The following FANCI variants were observed in gnomAD, a reference collection of about 807,000 sequenced individuals.
FANCI encodes Fanconi anemia group I protein.
FANCI carries 156 observed loss-of-function variants against 176.1 expected under a neutral mutation model. The ratio of observed to expected loss-of-function variants is 0.89; its 90% CI spans 0.78 to 1.01. The LOEUF is 1.01. Ranked by LOEUF, FANCI falls within the 50% of genes least tolerant of loss-of-function variation. The probability of loss-of-function intolerance (pLI) is 0.00; values close to 1 mark genes in which losing one functional copy is unlikely to be tolerated. For missense variants in FANCI, 1,678 were observed against 1,534.1 expected (o/e 1.09, Z -1.57); for synonymous variants, 613 against 541.7 (o/e 1.13, Z -1.83).
intron 11 of FANCI, among the ~76,000 whole-genome samples, chr15:89,273,886 A>G (rs1381506942): frequency 6.6e-6 from 1 of 152,162 alleles, no homozygotes; most frequent in Non-Finnish European, 1.5e-5. Flanking sequence ...TAATATTTAT[A>G]TTGACTTTTA....
intron 12 of FANCI, 123 bp downstream of exon 12, chr15:89,274,427 A>G: frequency 6.6e-6 from 7 of 1,053,494 alleles, no homozygotes; most frequent in Non-Finnish European, 8.5e-6. Context: ...GACGTCACAC[A>G]TCGAGGTTCA....
chr15:89,291,344 A>G (rs990376680), intron 19 of FANCI, among the ~76,000 whole-genome samples: 2 of 152,156 alleles, frequency 1.3e-5, no homozygotes, highest in African/African-American at 4.8e-5. Flanking sequence ...TTTAACCTCC[A>G]AGTTAACTGA....
At chr15:89,312,393 C>A (rs962527257) in intron 34 of FANCI, among the ~76,000 whole-genome samples, 1 of 152,218 alleles carries the variant, frequency 6.6e-6, no homozygotes, top group Non-Finnish European at 1.5e-5. Context: ...AACCTCTCAA[C>A]AACTAAAAAA....
At chr15:89,303,163 T>C (rs924758651) in intron 27 of FANCI, among the ~76,000 whole-genome samples, 2 of 152,230 alleles carry the variant, frequency 1.3e-5, no homozygotes, top group African/African-American at 4.8e-5. Context: ...TCTTTTAATA[T>C]CAGTTTGTAG....
chr15:89,266,851 T>C (rs537203479), intron 9 of FANCI, among the ~76,000 whole-genome samples: 1 of 152,248 alleles, frequency 6.6e-6, no homozygotes, highest in African/African-American at 2.4e-5. Context: ...GCTCACTTTT[T>C]TTTTTTTAAT....
chr15:89,247,796 A>T, intron 2 of FANCI, 65 bp downstream of exon 2: 2 of 1,422,718 alleles, frequency 1.4e-6, no homozygotes, highest in Non-Finnish European at 2.0e-6. Context: ...TTCAAAGGAC[A>T]TGTGAGAAAG....
intron 23 of FANCI, among the ~76,000 whole-genome samples, 193 bp downstream of exon 23, chr15:89,294,190 A>G (rs927200077): frequency 2.0e-5 from 3 of 152,212 alleles, no homozygotes; most frequent in African/African-American, 7.2e-5. Context: ...TAAAGGACAA[A>G]TGAGAAACAG....
chr15:89,251,305 G>T (rs1279116717), intron 2 of FANCI, among the ~76,000 whole-genome samples: 1 of 152,178 alleles, frequency 6.6e-6, no homozygotes, highest in African/African-American at 2.4e-5. Flanking sequence ...GAAGAAAAGA[G>T]AAAGTTATGA....
At chr15:89,265,156 C>G (rs1361714298) in intron 9 of FANCI, among the ~76,000 whole-genome samples, 1 of 152,084 alleles carries the variant, frequency 6.6e-6, no homozygotes, top group African/African-American at 2.4e-5. Context: ...AATACAAAGG[C>G]AGAAGAACAG....
intron 2 of FANCI, among the ~76,000 whole-genome samples, chr15:89,253,219 TAAAG>T (rs1292567453): frequency 4.6e-5 from 7 of 152,104 alleles, no homozygotes; most frequent in African/African-American, 1.7e-4. Flanking sequence ...AACACTGAAA[TAAAG>T]ATAATCTTTG....
At chr15:89,282,137 A>T (rs1320983005) in intron 16 of FANCI, 2 of 388,432 alleles carry the variant, frequency 5.1e-6, no homozygotes, top group African/African-American at 4.1e-5. Context: ...TGGAGCAAGG[A>T]TTCAAAGTCA....
At chr15:89,269,241 A>C (rs951038187) in intron 10 of FANCI, among the ~76,000 whole-genome samples, 5 of 152,284 alleles carry the variant, frequency 3.3e-5, no homozygotes, top group African/African-American at 1.2e-4. Context: ...CCAAACCCTA[A>C]CACTTCAATG....
intron 24 of FANCI, among the ~76,000 whole-genome samples, 161 bp downstream of exon 24, chr15:89,295,255 T>G (rs1267175458): frequency 1.3e-5 from 2 of 151,544 alleles, no homozygotes; most frequent in African/African-American, 4.9e-5. Context: ...TAATCCCAGC[T>G]ACTCAGGAAG....
chr15:89,301,757 T>C (rs547381633), intron 27 of FANCI, among the ~76,000 whole-genome samples: 1 of 152,336 alleles, frequency 6.6e-6, no homozygotes, highest in East Asian at 1.9e-4. Context: ...TAAACCTGTG[T>C]TCTTTGCCAC....
At chr15:89,272,650 C>G (rs968841814) in intron 10 of FANCI, among the ~76,000 whole-genome samples, 6 of 152,032 alleles carry the variant, frequency 3.9e-5, no homozygotes, top group African/African-American at 1.4e-4. Flanking sequence ...ATTCAAGGAC[C>G]TATTTTTATT....
At chr15:89,249,758 G>A (rs752185732) in intron 2 of FANCI, among the ~76,000 whole-genome samples, 1 of 152,088 alleles carries the variant, frequency 6.6e-6, no homozygotes, top group African/African-American at 2.4e-5. Context: ...CTCAGTAGGT[G>A]GTTTAACAGT....
rs916916820 is a variant in FANCI, at chr15:89,316,449, G to T, written c.3977G>T (p.Arg1326Met). ...GQNKEPAKKK[R>M]KK ...AACAAAGAACCAGCCAAGAAGAAAA[G>T]GAAAAAATAAATGAAATGCCTGAGT... is the stretch of plus-strand genomic sequence containing the variant. Residue 1326 changes from arginine (R) to methionine (M), a missense_variant, in exon 38 of 38, where the codon AGG becomes ATG. By Grantham distance (91) the Arg-to-Met change is moderately conservative. Transcript: ENST00000310775. The T allele has an allele frequency of 5.0e-6, 8 of 1,610,572 alleles. No individual in the cohort carries two copies. Among genetic ancestry groups the T allele is most frequent in the Non-Finnish European group, 6.8e-6 (8 of 1,177,990 alleles).
At position 89,294,922 on chromosome 15, in the gene FANCI, A is replaced by G. The variant is rs1265948396; in HGVS notation, c.2464A>G (p.Ile822Val). 1 of 1,552,106 alleles carries G rather than the reference A, an allele frequency of 6.4e-7. No individual in the cohort carries two copies. Among genetic ancestry groups the G allele is most frequent in the East Asian group, 2.4e-5 (1 of 40,928 alleles). The change falls in exon 24 of 38, where the codon ATC becomes GTC. Residue 822 changes from isoleucine to valine, a missense_variant. Transcript: ENST00000310775. ...SLLTALFRDS[I>V]QSHQESLSVL... ...CTCTCTGTCTCTCTCTAGGGATAGT[A>G]TCCAAAGCCACCAAGAAAGCCTTTC...
At chr15:89,302,474 A>T (rs1271784278) in intron 27 of FANCI, among the ~76,000 whole-genome samples, 1 of 152,146 alleles carries the variant, frequency 6.6e-6, no homozygotes, top group Admixed American at 6.5e-5. Context: ...TGTTCAGGAA[A>T]ATTTAAAAAT....
Sources: allele counts gnomAD v4.1 joint callset (sites outside exome capture counted in the v4.1 genomes callset), GRCh38; gene constraint gnomAD v4.1.1; transcripts MANE v1.5; gene names NCBI Gene and HGNC (gene_info 2026-07-23, HGNC 2026-07-21).